The following OSBPL1A variants were observed in gnomAD, a reference collection of about 807,000 sequenced individuals.
OSBPL1A encodes oxysterol binding protein like 1A.
In OSBPL1A, 80 loss-of-function variants were observed where a neutral mutation model predicts 137.1. The observed-to-expected ratio is 0.58, with a 90% CI of 0.49 to 0.70. The LOEUF (loss-of-function observed/expected upper bound fraction) is 0.70. Among genes scored for constraint, OSBPL1A ranks in the 30% least tolerant of loss-of-function variants. OSBPL1A has a pLI of 0.00. For missense variants in OSBPL1A, 970 were observed against 1,129.4 expected (o/e 0.86, Z 2.02); for synonymous variants, 365 against 389.7 (o/e 0.94, Z 0.75).
At chr18:24,257,995 A>T (rs556108656) in intron 15 of OSBPL1A, among the ~76,000 whole-genome samples, 2 of 152,218 alleles carry the variant, frequency 1.3e-5, no homozygotes, top group African/African-American at 4.8e-5. Context: ...AAGGATGTGG[A>T]GAAAGGGGAA....
At chr18:24,219,696 T>C (rs1366399382) in intron 17 of OSBPL1A, among the ~76,000 whole-genome samples, 2 of 151,848 alleles carry the variant, frequency 1.3e-5, no homozygotes, top group Admixed American at 6.6e-5. Context: ...TTCTAAAGAG[T>C]CTCAGCCCGT....
intron 16 of OSBPL1A, among the ~76,000 whole-genome samples, chr18:24,232,235 A>G (rs1444650341): frequency 2.0e-5 from 3 of 152,224 alleles, no homozygotes; most frequent in African/African-American, 7.2e-5. Flanking sequence ...ACATATTTAA[A>G]GTGAATCATA....
chr18:24,335,402 A>C (rs994356734), intron 5 of OSBPL1A, among the ~76,000 whole-genome samples: 4 of 152,182 alleles, frequency 2.6e-5, no homozygotes, highest in African/African-American at 4.8e-5. Context: ...ATTTGAACTC[A>C]AGCAGGCTAG....
Position 24,172,554 on chromosome 18 carries a change from A to G in OSBPL1A, c.2094-71T>C, listed in dbSNP as rs1599430757. On this transcript the variant is annotated intron_variant, in intron 21 of 27. Coordinates refer to ENST00000319481, the MANE Select transcript of OSBPL1A (RefSeq NM_080597.4). ...TTTGTTTAAAAAGTACACTTGTTCC[A>G]AATGCCATTACTCAGAATAACAAAC... 5 of 1,080,268 alleles carry G rather than the reference A, an allele frequency of 4.6e-6. No individual in the cohort carries two copies. The Admixed American group carries it at 8.8e-5, about 19-fold the overall frequency. The allele number at this position is 1,080,268 out of a possible 1,614,324, so 66.9% of individuals were successfully genotyped here.
At chr18:24,323,011 C>T (rs930596928) in intron 7 of OSBPL1A, among the ~76,000 whole-genome samples, 1 of 152,082 alleles carries the variant, frequency 6.6e-6, no homozygotes, top group South Asian at 2.1e-4. Context: ...TGCCAATTCT[C>T]CTTAAATTAA....
intron 23 of OSBPL1A, among the ~76,000 whole-genome samples, chr18:24,171,123 C>T (rs565774872): frequency 7.2e-5 from 11 of 151,924 alleles, no homozygotes; most frequent in African/African-American, 2.4e-4. Flanking sequence ...CAACCTCCGC[C>T]TCCCAGGTTC....
chr18:24,176,969 G>A (rs1409773022), intron 21 of OSBPL1A, among the ~76,000 whole-genome samples: 1 of 152,212 alleles, frequency 6.6e-6, no homozygotes, highest in South Asian at 2.1e-4. Flanking sequence ...CGGCTGGCAA[G>A]CTGGGGTTTG....
chr18:24,340,064 G>A (rs2091247927), intron 5 of OSBPL1A, among the ~76,000 whole-genome samples: 1 of 152,182 alleles, frequency 6.6e-6, no homozygotes, highest in African/African-American at 2.4e-5. Context: ...GAAAGGCTAT[G>A]TGTGAAATTG....
intron 12 of OSBPL1A, among the ~76,000 whole-genome samples, chr18:24,313,393 A>G (rs2090661495): frequency 6.6e-6 from 1 of 151,380 alleles, no homozygotes; most frequent in African/African-American, 2.4e-5. Context: ...ATGAGCCTAG[A>G]TCCCACCACT....
At chr18:24,365,119 A>T (rs2091684927) in intron 4 of OSBPL1A, among the ~76,000 whole-genome samples, 1 of 152,136 alleles carries the variant, frequency 6.6e-6, no homozygotes, top group Non-Finnish European at 1.5e-5. Flanking sequence ...GCAAAAAGAT[A>T]GTCTTTTCAA....
At chr18:24,324,096 A>G in intron 7 of OSBPL1A, among the ~76,000 whole-genome samples, 1 of 79,078 alleles carries the variant, frequency 1.3e-5, no homozygotes, top group African/African-American at 6.8e-5. Flanking sequence ...GGTGGTGAGC[A>G]CTTGTAATCC....
intron 5 of OSBPL1A, among the ~76,000 whole-genome samples, chr18:24,335,864 A>T (rs1315708434): frequency 6.6e-6 from 1 of 152,266 alleles, no homozygotes; most frequent in East Asian, 1.9e-4. Context: ...TTGTCTTAAG[A>T]AATGACTAAC....
In OSBPL1A at chr18:24,172,230, C is replaced by T. The variant is rs374378418; in HGVS notation, c.2201+146G>A. The T allele has an allele frequency of 1.9e-4, 120 of 617,004 alleles. No homozygotes were observed. The East Asian group carries it at 2.5e-3, about 13-fold the overall frequency. The allele number at this position is 617,004 out of a possible 1,614,324, so 38.2% of individuals were successfully genotyped here. A position where few individuals can be genotyped will look rare whatever the true frequency, so the allele number is the denominator to read the frequency against. On this transcript the variant is annotated intron_variant, in intron 22 of 27. Transcript: ENST00000319481. ...CTAGGATTACAGGCGTGAGCCACCG[C>T]GCCCAGATATATTGCATGATTCTTA...
chr18:24,335,181 T>C (rs186087255), intron 5 of OSBPL1A, among the ~76,000 whole-genome samples: 42 of 152,358 alleles, frequency 2.8e-4, no homozygotes, highest in Non-Finnish European at 2.2e-4. Context: ...ATGAGCCACC[T>C]TGCCTATTTT....
Position 24,317,407 on chromosome 18 carries a change from G to A in OSBPL1A, c.733-7C>T, listed in dbSNP as rs1186893599. The A allele has an allele frequency of 6.2e-7, 1 of 1,609,066 alleles. No homozygotes were observed. The highest frequency in any genetic ancestry group is 1.1e-5 in the South Asian group (1 of 90,920). On this transcript the variant is annotated splice_region_variant and splice_polypyrimidine_tract_variant and intron_variant, in intron 9 of 27. Coordinates refer to ENST00000319481, the MANE Select transcript of OSBPL1A (RefSeq NM_080597.4). ...AGCCAAAAAATCTTGAACTCTAAGG[G>A]AAAAATAACAAAGATTTCCCAAGCT...
In OSBPL1A at chr18:24,253,169, G is replaced by C. The variant is rs551191429; in HGVS notation, c.1282-13787C>G. On this transcript the variant is annotated intron_variant, in intron 15 of 27. Coordinates refer to ENST00000319481, the MANE Select transcript of OSBPL1A (RefSeq NM_080597.4). ...AACTCTCCAATGAAAAGACATGGCG[G>C]GGGGGGGCGCTGAATGGATGAAAAA... is the stretch of plus-strand genomic sequence containing the variant. Among the ~76,000 whole-genome samples the C allele has an allele frequency of 3.7e-3, 521 of 141,880 alleles. 37 individuals are homozygous for C. Among genetic ancestry groups the C allele is most frequent in the African/African-American group, 0.012 (475 of 39,336 alleles). The allele number at this position is 141,880 out of a possible 152,430, so 93.1% of individuals were successfully genotyped here.
At chr18:24,223,823 G>C (rs1192681426) in intron 17 of OSBPL1A, among the ~76,000 whole-genome samples, 3 of 152,110 alleles carry the variant, frequency 2.0e-5, no homozygotes, top group African/African-American at 7.2e-5. Flanking sequence ...ATGCTTCTTT[G>C]AACTTTCCAA....
chr18:24,322,074 AG>A (rs1280662932), intron 7 of OSBPL1A, among the ~76,000 whole-genome samples: 1 of 150,934 alleles, frequency 6.6e-6, no homozygotes, highest in Non-Finnish European at 1.5e-5. Flanking sequence ...AGTAAAATGG[AG>A]ATCATTTTTA....
At chr18:24,320,399 T>C (rs1039271334) in intron 7 of OSBPL1A, among the ~76,000 whole-genome samples, 62 of 152,058 alleles carry the variant, frequency 4.1e-4, no homozygotes, top group African/African-American at 1.4e-3. Context: ...CCACTTTAGA[T>C]TGGAGGATGA....
Sources: gnomAD v4.1 joint callset for allele counts (sites outside exome capture counted in the v4.1 genomes callset) on GRCh38, gnomAD v4.1.1 for gene constraint, MANE v1.5 for transcripts, NCBI Gene and HGNC (gene_info 2026-07-23, HGNC 2026-07-21) for gene names.